The following ANO2 variants were observed in gnomAD, a reference collection of about 807,000 sequenced individuals.
The protein encoded by ANO2 is anoctamin-2.
ANO2 carries 101 observed loss-of-function variants against 124.2 expected under a neutral mutation model. That is an observed-to-expected ratio of 0.81 (90% confidence interval 0.69 to 0.96). The LOEUF is 0.96. Ranked by LOEUF, ANO2 falls within the 40% of genes least tolerant of loss-of-function variation. The pLI is 0.00. For synonymous variants in ANO2, 486 were observed against 482.5 expected (o/e 1.01, Z -0.09); for missense variants, 1,293 against 1,274.5 (o/e 1.01, Z -0.22).
intron 14 of ANO2, among the ~76,000 whole-genome samples, chr12:5,692,777 AG>A (rs1948998865): frequency 6.6e-6 from 1 of 152,186 alleles, no homozygotes; most frequent in Non-Finnish European, 1.5e-5. Flanking sequence ...GCCCCGTAGT[AG>A]GGCCTGAAGT....
chr12:5,859,681 C>T (rs886508603), intron 3 of ANO2, among the ~76,000 whole-genome samples: 9 of 152,104 alleles, frequency 5.9e-5, no homozygotes, highest in East Asian at 1.9e-4. Context: ...TACAGGTGTG[C>T]ACCACCATAC....
intron 3 of ANO2, among the ~76,000 whole-genome samples, chr12:5,876,971 T>C (rs1006968837): frequency 6.6e-6 from 1 of 152,198 alleles, no homozygotes; most frequent in Non-Finnish European, 1.5e-5. Context: ...GAACTTAAAG[T>C]ATAATTTTTA....
intron 1 of ANO2, among the ~76,000 whole-genome samples, chr12:5,933,663 G>A (rs1225240986): frequency 6.6e-6 from 1 of 152,170 alleles, no homozygotes; most frequent in Non-Finnish European, 1.5e-5. Context: ...AAACAACTTG[G>A]CATCCAAAGA....
intron 14 of ANO2, among the ~76,000 whole-genome samples, chr12:5,731,848 T>G (rs1017235881): frequency 6.6e-6 from 1 of 152,190 alleles, no homozygotes; most frequent in Non-Finnish European, 1.5e-5. Flanking sequence ...GTAAGGAACA[T>G]TGCACAAGTA....
intron 6 of ANO2, 140 bp downstream of exon 6, chr12:5,830,295 T>C (rs768864902): frequency 1.7e-5 from 14 of 801,370 alleles, no homozygotes; most frequent in Admixed American, 1.1e-4. Flanking sequence ...GGGAAGCTCT[T>C]GCATACTCTT....
At chr12:5,939,074 G>A (rs1565797641) in intron 1 of ANO2, among the ~76,000 whole-genome samples, 1 of 151,216 alleles carries the variant, frequency 6.6e-6, no homozygotes, top group African/African-American at 2.4e-5. Context: ...AAAATTAGCT[G>A]GGCGTAGTGG....
intron 12 of ANO2, among the ~76,000 whole-genome samples, chr12:5,743,446 G>A (rs1419459517): frequency 2.0e-5 from 3 of 150,782 alleles, no homozygotes; most frequent in Non-Finnish European, 4.4e-5. Flanking sequence ...TGGTTATCCC[G>A]CGTTATTCCA....
chr12:5,714,435 GACTGACA>G (rs941127260), intron 14 of ANO2, among the ~76,000 whole-genome samples: 26 of 152,288 alleles, frequency 1.7e-4, no homozygotes, highest in South Asian at 6.2e-4. Context: ...CAAGCACCAC[GACTGACA>G]AGCTGGGTGC....
intron 3 of ANO2, among the ~76,000 whole-genome samples, chr12:5,902,002 G>C (rs1168600458): frequency 6.6e-6 from 1 of 152,154 alleles, no homozygotes; most frequent in South Asian, 2.1e-4. Context: ...ACTTCCTCCT[G>C]AGATTTGAGA....
intron 3 of ANO2, among the ~76,000 whole-genome samples, chr12:5,880,867 A>G (rs1410687814): frequency 1.7e-5 from 2 of 119,554 alleles, no homozygotes; most frequent in African/African-American, 3.5e-5. Context: ...TAGATGGATG[A>G]GTGGATGGGT....
At chr12:5,668,610 A>G (rs1260067434) in intron 14 of ANO2, among the ~76,000 whole-genome samples, 2 of 152,176 alleles carry the variant, frequency 1.3e-5, no homozygotes, top group Non-Finnish European at 2.9e-5. Context: ...TTTTGTCATG[A>G]AATCTTTGCC....
At chr12:5,891,323 AGAGT>A (rs1939379572) in intron 3 of ANO2, among the ~76,000 whole-genome samples, 1 of 152,136 alleles carries the variant, frequency 6.6e-6, no homozygotes. Flanking sequence ...CCCTAGAAGG[AGAGT>A]GAGAGGAACA....
At chr12:5,654,505 T>C (rs536324486) in intron 14 of ANO2, among the ~76,000 whole-genome samples, 1 of 152,324 alleles carries the variant, frequency 6.6e-6, no homozygotes, top group African/African-American at 2.4e-5. Context: ...TGTCTGCCTA[T>C]CACTTCCAAG....
chr12:5,709,842 C>T (rs1017287655), intron 14 of ANO2, among the ~76,000 whole-genome samples: 1 of 152,168 alleles, frequency 6.6e-6, no homozygotes, highest in Non-Finnish European at 1.5e-5. Flanking sequence ...GTCTTGGGGT[C>T]ATAGATGAAA....
Position 5,599,715 on chromosome 12 carries a change from G to T in ANO2, c.2088-86C>A, listed in dbSNP as rs980780875. Reference sequence around the variant, plus strand: ...CAGAAAAAAGAAAAAGAACACAAAAGTTTTGACACTAAAGCCATCTCTGAT... The same window carrying T: ...CAGAAAAAAGAAAAAGAACACAAAATTTTTGACACTAAAGCCATCTCTGAT... On this transcript the variant is annotated intron_variant, in intron 19 of 24. Coordinates refer to ENST00000682330, the MANE Select transcript of ANO2 (RefSeq NM_001364791.2). The T allele has an allele frequency of 2.8e-6, 4 of 1,428,360 alleles. No individual in the cohort carries two copies. In the African/African-American group the frequency reaches 5.8e-5, roughly 21 times the overall value. 88.5% of individuals were successfully genotyped at this position (1,428,360 alleles called of 1,614,324 possible).
intron 7 of ANO2, among the ~76,000 whole-genome samples, chr12:5,811,495 G>T (rs185793747): frequency 1.3e-5 from 2 of 152,240 alleles, no homozygotes; most frequent in Admixed American, 1.3e-4. Flanking sequence ...ATTGGGGAGG[G>T]GAGGTTCCCA....
chr12:5,776,075 C>A (rs1952225146), intron 10 of ANO2, among the ~76,000 whole-genome samples: 1 of 152,184 alleles, frequency 6.6e-6, no homozygotes, highest in Non-Finnish European at 1.5e-5. Context: ...ACCAATCAGT[C>A]CTTCCTCAGA....
Position 5,635,414 on chromosome 12 carries a change from C to T in ANO2, c.1621-67G>A. 3.2e-6 allele frequency: 4 copies of T among 1,231,782 alleles called. No homozygotes were observed. The highest frequency in any genetic ancestry group is 3.0e-5 in the Admixed American group (1 of 32,892). The allele number at this position is 1,231,782 out of a possible 1,614,324, so 76.3% of individuals were successfully genotyped here. A position where few individuals can be genotyped will look rare whatever the true frequency, so the allele number is the denominator to read the frequency against. ...TACCGAGCACCTACTATTTGCTCTGCCAACAGTACCATTTGCTGTTATCAG... is the reference window on the plus strand; with the variant it reads ...TACCGAGCACCTACTATTTGCTCTGTCAACAGTACCATTTGCTGTTATCAG... On this transcript the variant is annotated intron_variant, in intron 15 of 24. Coordinates refer to ENST00000682330, the MANE Select transcript of ANO2 (RefSeq NM_001364791.2). This position sits in a 1 kb window ranked among gnomAD's most constrained non-coding sequence, Gnocchi z 5.2.
chr12:5,851,721 TAG>T (rs1438545432), intron 4 of ANO2, among the ~76,000 whole-genome samples: 1 of 145,614 alleles, frequency 6.9e-6, no homozygotes, highest in Non-Finnish European at 1.5e-5. Context: ...GGAGGTGTCA[TAG>T]AGTGTGCAAA....
Sources: allele counts gnomAD v4.1 joint callset (sites outside exome capture counted in the v4.1 genomes callset), GRCh38; gene constraint gnomAD v4.1.1; non-coding constraint Gnocchi (gnomAD v3.1); transcripts MANE v1.5; gene names NCBI Gene and HGNC (gene_info 2026-07-23, HGNC 2026-07-21).